RIGI: variants seen among roughly 807,000 people sequenced by gnomAD.
RIGI encodes RNA sensor RIG-I.
the RIGI span, among the ~76,000 whole-genome samples, chr9:32,505,845 A>G: frequency 2.0e-5 from 3 of 152,294 alleles, 1 homozygote; most frequent in Admixed American, 1.3e-4. Context: ...ACACCCATCT[A>G]TGTCTTTACC....
At chr9:32,478,205 G>A in the RIGI span, among the ~76,000 whole-genome samples, 1 of 151,930 alleles carries the variant, frequency 6.6e-6, no homozygotes, top group African/African-American at 2.4e-5. Flanking sequence ...CACCATATCT[G>A]GCTAATATTT....
chr9:32,488,691 A>G, the RIGI span: 9 of 1,481,840 alleles, frequency 6.1e-6, no homozygotes, highest in South Asian at 1.2e-4. Flanking sequence ...CATCAATTAC[A>G]TGAAGCTGGA....
the RIGI span, among the ~76,000 whole-genome samples, chr9:32,513,376 T>C: frequency 6.6e-6 from 1 of 151,780 alleles, no homozygotes; most frequent in Non-Finnish European, 1.5e-5. Flanking sequence ...AAACAGATTA[T>C]CAGATATATA....
At chr9:32,457,371 C>G in the RIGI span, 1 of 1,613,814 alleles carries the variant, frequency 6.2e-7, no homozygotes, top group Non-Finnish European at 8.5e-7. Flanking sequence ...GTGGTCTACT[C>G]ACAAAGCATT....
the RIGI span, chr9:32,500,902 CTTG>C: frequency 6.2e-7 from 1 of 1,614,114 alleles, no homozygotes; most frequent in Admixed American, 1.7e-5. Flanking sequence ...CCATTGGGCC[CTTG>C]TTGTTTTTCT....
chr9:32,480,622 G>A, the RIGI span, among the ~76,000 whole-genome samples: 1 of 152,094 alleles, frequency 6.6e-6, no homozygotes, highest in African/African-American at 2.4e-5. Flanking sequence ...AAGAAAAACT[G>A]CACGAAAAAC....
chr9:32,488,757 G>A, the RIGI span: 1 of 1,609,416 alleles, frequency 6.2e-7, no homozygotes, highest in Non-Finnish European at 8.5e-7. Flanking sequence ...AGTATTTTGA[G>A]AATACAGATT....
chr9:32,513,086 G>T, the RIGI span, among the ~76,000 whole-genome samples: 1 of 151,714 alleles, frequency 6.6e-6, no homozygotes, highest in Admixed American at 6.6e-5. Flanking sequence ...CAAACAAATG[G>T]AAGAACATTC....
chr9:32,488,934 A>C, the RIGI span: 13 of 1,503,938 alleles, frequency 8.6e-6, no homozygotes, highest in Non-Finnish European at 1.2e-5. Context: ...CATATATTAG[A>C]TATTTCTCTG....
At chr9:32,455,802 C>A in the RIGI span, 2 of 152,184 alleles carry the variant, frequency 1.3e-5, no homozygotes, top group African/African-American at 4.8e-5. Context: ...TTCACACATT[C>A]TTTTAATTAA....
At chr9:32,502,825 G>A in the RIGI span, among the ~76,000 whole-genome samples, 2 of 152,158 alleles carry the variant, frequency 1.3e-5, no homozygotes, top group African/African-American at 4.8e-5. Context: ...TTTTCACACA[G>A]CATTCTCGTT....
chr9:32,513,333 T>A, the RIGI span, among the ~76,000 whole-genome samples: 1 of 152,168 alleles, frequency 6.6e-6, no homozygotes, highest in African/African-American at 2.4e-5. Flanking sequence ...ACTACAAGGC[T>A]ACAGTAATCA....
chr9:32,499,398 C>T, the RIGI span, among the ~76,000 whole-genome samples: 4,735 of 122,292 alleles, frequency 0.039, 257 homozygotes, highest in African/African-American at 0.13. Flanking sequence ...TTTATTTATT[C>T]GTACCCACAT....
chr9:32,482,794 G>A, the RIGI span, among the ~76,000 whole-genome samples: 1 of 151,936 alleles, frequency 6.6e-6, no homozygotes, highest in Non-Finnish European at 1.5e-5. Flanking sequence ...AGGAGACGGA[G>A]GTTGCAGTGA....
the RIGI span, among the ~76,000 whole-genome samples, chr9:32,504,947 C>CTTTT: frequency 2.0e-5 from 2 of 101,758 alleles, 1 homozygote. Context: ...TATATTTAAA[C>CTTTT]ATATATATTA....
At chr9:32,489,994 A>T in the RIGI span, among the ~76,000 whole-genome samples, 1 of 152,226 alleles carries the variant, frequency 6.6e-6, no homozygotes, top group Non-Finnish European at 1.5e-5. Context: ...GCTAGCAAAG[A>T]CTTTGGAAAT....
chr9:32,480,836 C>A, the RIGI span, among the ~76,000 whole-genome samples: 1 of 152,142 alleles, frequency 6.6e-6, no homozygotes, highest in Non-Finnish European at 1.5e-5. Context: ...TAATTGAATG[C>A]ATTTTAATAT....
the RIGI span, among the ~76,000 whole-genome samples, chr9:32,494,242 C>T: frequency 1.3e-5 from 2 of 152,012 alleles, no homozygotes; most frequent in East Asian, 3.9e-4. Flanking sequence ...TAGACTTCAC[C>T]TACAATCCCT....
the RIGI span, chr9:32,473,109 C>T: frequency 1.5e-6 from 2 of 1,377,402 alleles, no homozygotes; most frequent in African/African-American, 1.5e-5. Context: ...CCTTATAAAT[C>T]ATTTGTATTA....
Sources: gnomAD v4.1 joint callset for allele counts (sites outside exome capture counted in the v4.1 genomes callset) on GRCh38, gnomAD v4.1.1 for gene constraint, MANE v1.5 for transcripts, NCBI Gene and HGNC (gene_info 2026-07-23, HGNC 2026-07-21) for gene names.